The following NRG1 variants were observed in gnomAD, a reference collection of about 807,000 sequenced individuals.
NRG1 encodes the protein pro-neuregulin-1, membrane-bound isoform.
NRG1 carries 18 observed loss-of-function variants against 63.8 expected under a neutral mutation model. The ratio of observed to expected loss-of-function variants is 0.28; its 90% CI spans 0.19 to 0.42. NRG1 has a LOEUF of 0.42. Among genes scored for constraint, NRG1 ranks in the 10% least tolerant of loss-of-function variants. NRG1 has a pLI of 1.00. For synonymous variants in NRG1, 302 were observed against 301.3 expected (o/e 1.00, Z -0.02); for missense variants, 762 against 814.7 (o/e 0.94, Z 0.79).
intron 1 of NRG1, among the ~76,000 whole-genome samples, chr8:32,270,150 A>G (rs557764590): frequency 1.6e-4 from 24 of 152,216 alleles, no homozygotes; most frequent in Non-Finnish European, 3.2e-4. Context: ...TAAAACAGAA[A>G]CAAGTTATAT....
At chr8:32,491,297 CATT>C (rs967131858) in intron 1 of NRG1, among the ~76,000 whole-genome samples, 4 of 152,154 alleles carry the variant, frequency 2.6e-5, no homozygotes, top group African/African-American at 7.2e-5. Flanking sequence ...AAATGAGTCT[CATT>C]ATATTATAGC....
In NRG1 at chr8:31,640,339, G is replaced by C; in HGVS notation, c.37+908G>C. 1 of 1,191,278 alleles carries C rather than the reference G, an allele frequency of 8.4e-7. No individual in the cohort carries two copies. Among genetic ancestry groups the C allele is most frequent in the South Asian group, 4.1e-5 (1 of 24,150 alleles). The allele number at this position is 1,191,278 out of a possible 1,614,324, so 73.8% of individuals were successfully genotyped here. ...GTGGGGCGGCGATCGCGAGCCGCCAGCCGCGGGCCCACGGGCGCTGGGGCC... is the reference window on the plus strand; with the variant it reads ...GTGGGGCGGCGATCGCGAGCCGCCACCCGCGGGCCCACGGGCGCTGGGGCC... On this transcript the variant is annotated intron_variant, in intron 1 of 10. Coordinates refer to the NRG1 transcript ENST00000519301. This position sits in a 1 kb window ranked among gnomAD's most constrained non-coding sequence, Gnocchi z 6.3.
At chr8:32,510,903 C>G (rs922118191) in intron 1 of NRG1, among the ~76,000 whole-genome samples, 2 of 150,478 alleles carry the variant, frequency 1.3e-5, no homozygotes, top group East Asian at 4.0e-4. Flanking sequence ...AAACATTGTT[C>G]TTTTTCCTTT....
At chr8:32,004,678 T>A (rs1813466631) in intron 1 of NRG1, among the ~76,000 whole-genome samples, 1 of 151,768 alleles carries the variant, frequency 6.6e-6, no homozygotes, top group South Asian at 2.1e-4. Flanking sequence ...ATGAGAAAAC[T>A]ATCAAAGCTA....
chr8:32,423,670 A>C (rs114538265), intron 1 of NRG1, among the ~76,000 whole-genome samples: 1,582 of 152,196 alleles, frequency 0.01, 28 homozygotes, highest in African/African-American at 0.037. Context: ...ATAAATAATA[A>C]AAGTCACAAC....
At chr8:32,504,766 C>T (rs1208905959) in intron 1 of NRG1, among the ~76,000 whole-genome samples, 7 of 151,994 alleles carry the variant, frequency 4.6e-5, no homozygotes, top group Non-Finnish European at 8.8e-5. Flanking sequence ...CAAGAGGTTA[C>T]CTGCTCAATG....
At chr8:32,564,679 C>T (rs905076065) in intron 1 of NRG1, among the ~76,000 whole-genome samples, 1 of 152,172 alleles carries the variant, frequency 6.6e-6, no homozygotes. Context: ...GTACTTTAAT[C>T]AATCAAGGGT....
intron 1 of NRG1, among the ~76,000 whole-genome samples, chr8:32,064,210 A>AAGCTAGAT (rs1374958285): frequency 2.0e-5 from 3 of 152,152 alleles, no homozygotes; most frequent in Non-Finnish European, 4.4e-5. Flanking sequence ...GTCATCGGCT[A>AAGCTAGAT]AGCTAGATAG....
chr8:32,096,868 A>T (rs1188472667), intron 1 of NRG1, among the ~76,000 whole-genome samples: 1 of 152,204 alleles, frequency 6.6e-6, no homozygotes, highest in African/African-American at 2.4e-5. Flanking sequence ...TTTCAACATG[A>T]GGTGTATAGA....
At chr8:31,713,051 C>A (rs1045405737) in intron 1 of NRG1, among the ~76,000 whole-genome samples, 87 of 151,026 alleles carry the variant, frequency 5.8e-4, no homozygotes, top group African/African-American at 2.0e-3. Context: ...CCTCTCTAGT[C>A]TAAACTGTAT....
chr8:31,921,477 TACAC>T (rs10557313), intron 1 of NRG1, among the ~76,000 whole-genome samples: 15 of 150,774 alleles, frequency 9.9e-5, no homozygotes, highest in South Asian at 6.2e-4. Context: ...TACACACACA[TACAC>T]ACACACACAC....
At chr8:31,874,522 C>T (rs1156250063) in intron 1 of NRG1, among the ~76,000 whole-genome samples, 1 of 152,142 alleles carries the variant, frequency 6.6e-6, no homozygotes, top group Non-Finnish European at 1.5e-5. Context: ...TGTGTTAATA[C>T]AGGCATGCAA....
In NRG1 at chr8:32,203,385, A is replaced by AT. The variant is rs146037624; in HGVS notation, c.38-392433dup. 7.4e-4 allele frequency among the ~76,000 whole-genome samples: 110 copies of AT among 148,882 alleles called. 1 individual carries two copies. The highest frequency in any genetic ancestry group is 3.5e-3 in the Middle Eastern group (1 of 288). ...TAGTTCTTATTTCATTTATTCACTT[A>AT]TTTTTTTTTTCTTTTTAGACAGAGC... On this transcript the variant is annotated intron_variant, in intron 1 of 10. Transcript: ENST00000519301.
intron 1 of NRG1, among the ~76,000 whole-genome samples, chr8:31,816,105 ACTT>A (rs1298742034): frequency 6.6e-6 from 1 of 152,178 alleles, no homozygotes; most frequent in Non-Finnish European, 1.5e-5. Context: ...CACTAAAGCT[ACTT>A]CTTCTTACCT....
chr8:31,793,306 A>C (rs773068077), intron 1 of NRG1, among the ~76,000 whole-genome samples: 9 of 152,248 alleles, frequency 5.9e-5, no homozygotes, highest in Non-Finnish European at 7.3e-5. Context: ...GTGTTTAAAC[A>C]GGATTGGAAG....
intron 1 of NRG1, among the ~76,000 whole-genome samples, chr8:32,183,439 C>T (rs897227413): frequency 2.6e-5 from 4 of 152,178 alleles, no homozygotes; most frequent in Admixed American, 1.3e-4. Context: ...TCTTACAGCT[C>T]TGCCAAAGGC....
At chr8:32,509,666 A>G (rs1828942450) in intron 1 of NRG1, among the ~76,000 whole-genome samples, 1 of 152,162 alleles carries the variant, frequency 6.6e-6, no homozygotes, top group Admixed American at 6.5e-5. Flanking sequence ...TAGAGAAAAG[A>G]GACAGCAGAG....
chr8:32,489,807 A>T (rs376229276), intron 1 of NRG1, among the ~76,000 whole-genome samples: 11 of 152,212 alleles, frequency 7.2e-5, no homozygotes, highest in African/African-American at 2.7e-4. Context: ...CGCCACTTTA[A>T]TATTTAAGAG....
chr8:31,932,874 C>T (rs398021), intron 1 of NRG1, among the ~76,000 whole-genome samples: 139,561 of 152,236 alleles, frequency 0.92, 64,720 homozygotes, highest in African/African-American at 0.98. Flanking sequence ...AATTCCGAAT[C>T]ACTTGTTTAT....
Sources: allele counts gnomAD v4.1 joint callset (sites outside exome capture counted in the v4.1 genomes callset), GRCh38; gene constraint gnomAD v4.1.1; non-coding constraint Gnocchi (gnomAD v3.1); transcripts MANE v1.5; gene names NCBI Gene and HGNC (gene_info 2026-07-23, HGNC 2026-07-21).